The following SORBS2 variants were observed in gnomAD, a reference collection of about 807,000 sequenced individuals.
SORBS2 encodes the protein sorbin and SH3 domain-containing protein 2.
SORBS2 carries 46 observed loss-of-function variants against 97.7 expected under a neutral mutation model. The ratio of observed to expected loss-of-function variants is 0.47; its 90% CI spans 0.37 to 0.60. The LOEUF (loss-of-function observed/expected upper bound fraction) is 0.60, where lower values mean the gene tolerates loss of function less well. Ranked by LOEUF, SORBS2 falls within the 20% of genes least tolerant of loss-of-function variation. SORBS2 has a pLI of 0.00. For missense variants in SORBS2, 1,316 were observed against 1,282.3 expected (o/e 1.03, Z -0.40); for synonymous variants, 476 against 473.4 (o/e 1.01, Z -0.07).
intron 1 of SORBS2, among the ~76,000 whole-genome samples, chr4:185,842,936 A>AAAAAG (rs2099212482): frequency 6.6e-6 from 1 of 151,708 alleles, no homozygotes; most frequent in Non-Finnish European, 1.5e-5. Context: ...TGTCTAAAAA[A>AAAAAG]AAAAAAAAAA....
At chr4:185,715,777 G>A (rs6826210) in intron 2 of SORBS2, among the ~76,000 whole-genome samples, 118,444 of 152,102 alleles carry the variant, frequency 0.78, 47,423 homozygotes, top group Non-Finnish European at 0.89. Context: ...TCGACTACAA[G>A]TGGCTTAAAG....
At chr4:185,829,602 T>C (rs992974213) in intron 1 of SORBS2, among the ~76,000 whole-genome samples, 3 of 152,238 alleles carry the variant, frequency 2.0e-5, no homozygotes, top group Admixed American at 1.3e-4. Context: ...AGAGATGACA[T>C]TAAAGGAATA....
Position 185,587,555 on chromosome 4 carries a change from G to A in SORBS2, c.*72C>T, listed in dbSNP as rs1267477179. On this transcript the variant is annotated 3_prime_UTR_variant, in exon 15 of 15. Transcript: ENST00000418609. ...CGTAAGGCATGACAACGGGAGGCCC[G>A]CGGGGTGTTTCAGGCGCGTTGACGC... 12 of 1,357,162 alleles carry A rather than the reference G, an allele frequency of 8.8e-6. No homozygotes were observed. The South Asian group carries it at 1.3e-4, about 15-fold the overall frequency. The allele number at this position is 1,357,162 out of a possible 1,614,324, so 84.1% of individuals were successfully genotyped here. A position where few individuals can be genotyped will look rare whatever the true frequency, so the allele number is the denominator to read the frequency against.
At chr4:185,624,613 G>A in intron 6 of SORBS2, 119 bp from the exon 19 acceptor site, 1 of 1,118,804 alleles carries the variant, frequency 8.9e-7, no homozygotes, top group South Asian at 1.7e-5. Context: ...AGCAGTTAGT[G>A]TGTTTTAATC....
chr4:185,725,229 T>C (rs2098547422), intron 2 of SORBS2, among the ~76,000 whole-genome samples: 1 of 152,144 alleles, frequency 6.6e-6, no homozygotes, highest in Admixed American at 6.5e-5. Flanking sequence ...CCTGCTATAA[T>C]CCATTAGTTA....
intron 1 of SORBS2, among the ~76,000 whole-genome samples, chr4:185,842,587 G>A (rs2099212221): frequency 6.6e-6 from 1 of 152,144 alleles, no homozygotes; most frequent in Non-Finnish European, 1.5e-5. Context: ...AGTCACTAGA[G>A]AAACCAGCCC....
In SORBS2 at chr4:185,852,947, C is replaced by T. The variant is rs530430063; in HGVS notation, c.-337-77581G>A. On this transcript the variant is annotated intron_variant, in intron 1 of 20. Transcript: ENST00000284776. ...TCCTGGTGTTCACTCTCCCTTTGTG[C>T]CTGCCACCCTGCAGGGGTCCTGAGG... is the stretch of plus-strand genomic sequence containing the variant. 3.3e-4 allele frequency among the ~76,000 whole-genome samples: 51 copies of T among 152,298 alleles called. No homozygotes were observed. In the East Asian group the frequency reaches 4.1e-3, roughly 12 times the overall value.
intron 1 of SORBS2, among the ~76,000 whole-genome samples, chr4:185,822,922 C>T (rs945537150): frequency 1.6e-4 from 24 of 152,226 alleles, no homozygotes; most frequent in Admixed American, 1.2e-3. Context: ...CCCCAATTCA[C>T]GATGCCAAAG....
chr4:185,793,709 AT>A lies in SORBS2; in HGVS notation c.-337-18344del, dbSNP rs548566402. ...AAAGATTTCCTTTCCATCTCTGGGGATTTTTTTTATTGATGATGAAGTTATT... is the reference window on the plus strand; with the variant it reads ...AAAGATTTCCTTTCCATCTCTGGGGATTTTTTTATTGATGATGAAGTTATT... On this transcript the variant is annotated intron_variant, in intron 1 of 20. Coordinates refer to the SORBS2 transcript ENST00000284776. Among the ~76,000 whole-genome samples the A allele has an allele frequency of 2.0e-3, 297 of 151,862 alleles. 1 individual carries two copies. The highest frequency in any genetic ancestry group is 6.8e-3 in the African/African-American group (282 of 41,382).
intron 4 of SORBS2, among the ~76,000 whole-genome samples, chr4:185,668,692 C>A (rs1452701776): frequency 6.6e-6 from 1 of 152,190 alleles, no homozygotes; most frequent in Non-Finnish European, 1.5e-5. Flanking sequence ...ATCTGGACTA[C>A]CTCAAAAATA....
intron 1 of SORBS2, among the ~76,000 whole-genome samples, chr4:185,780,861 A>G (rs187630807): frequency 1.3e-5 from 2 of 152,346 alleles, no homozygotes; most frequent in African/African-American, 4.8e-5. Flanking sequence ...GAAAGAGATT[A>G]TATAGAAATA....
intron 6 of SORBS2, among the ~76,000 whole-genome samples, chr4:185,625,130 T>C (rs1483324688): frequency 1.3e-5 from 2 of 152,200 alleles, no homozygotes; most frequent in Non-Finnish European, 2.9e-5. Flanking sequence ...TAGCTAAAGC[T>C]CTTTAAACAA....
chr4:185,912,306 C>T (rs551908249), intron 1 of SORBS2, among the ~76,000 whole-genome samples: 3 of 151,990 alleles, frequency 2.0e-5, no homozygotes, highest in South Asian at 2.1e-4. Flanking sequence ...AATGCTAGGC[C>T]GGGCATGGTG....
intron 2 of SORBS2, among the ~76,000 whole-genome samples, chr4:185,755,832 GGCATA>G (rs200204310): frequency 0.033 from 5,020 of 152,060 alleles, 266 homozygotes; most frequent in African/African-American, 0.11. Context: ...TATCTCACTT[GGCATA>G]AAATCTAATG....
At chr4:185,696,550 G>A (rs575639831) in intron 2 of SORBS2, among the ~76,000 whole-genome samples, 1 of 152,150 alleles carries the variant, frequency 6.6e-6, no homozygotes, top group East Asian at 1.9e-4. Context: ...GCCTCCCGGG[G>A]TCAAGTGATT....
chr4:185,792,927 T>C (rs1219662587), intron 1 of SORBS2, among the ~76,000 whole-genome samples: 1 of 152,234 alleles, frequency 6.6e-6, no homozygotes, highest in Admixed American at 6.5e-5. Flanking sequence ...GCAAGTTGTT[T>C]AACTTCTCTG....
intron 2 of SORBS2, among the ~76,000 whole-genome samples, chr4:185,650,725 CA>C (rs1477421060): frequency 2.6e-5 from 4 of 152,156 alleles, no homozygotes; most frequent in Non-Finnish European, 4.4e-5. Context: ...TTGGATTCAA[CA>C]GTCGGACTTC....
chr4:185,614,447 G>A (rs542626232), intron 11 of SORBS2, among the ~76,000 whole-genome samples: 1 of 152,078 alleles, frequency 6.6e-6, no homozygotes, highest in East Asian at 1.9e-4. Context: ...GATAGAGGAA[G>A]ATAAGGATTG....
chr4:185,701,893 C>T (rs1466996169), intron 2 of SORBS2, among the ~76,000 whole-genome samples: 1 of 151,982 alleles, frequency 6.6e-6, no homozygotes, highest in African/African-American at 2.4e-5. Context: ...GCCTCAGCCT[C>T]CTGAGTAGCT....
Sources: gnomAD v4.1 joint callset for allele counts (sites outside exome capture counted in the v4.1 genomes callset) on GRCh38, gnomAD v4.1.1 for gene constraint, MANE v1.5 for transcripts, NCBI Gene and HGNC (gene_info 2026-07-23, HGNC 2026-07-21) for gene names.